Variants in LUZP1 observed in about 807,000 individuals in gnomAD.
LUZP1 encodes the protein filamin mechanobinding actin cross-linking protein.
LUZP1 carries 25 observed loss-of-function variants against 71.3 expected under a neutral mutation model. The ratio of observed to expected loss-of-function variants is 0.35; its 90% CI spans 0.26 to 0.49. LUZP1 has a LOEUF of 0.49. Ranked by LOEUF, LUZP1 falls within the 20% of genes least tolerant of loss-of-function variation. The probability of loss-of-function intolerance (pLI) is 0.99; values close to 1 mark genes in which losing one functional copy is unlikely to be tolerated. For synonymous variants in LUZP1, 481 were observed against 506.4 expected, an observed-to-expected ratio of 0.95 and a Z score of 0.67; for missense variants, 1,142 against 1,300.8, an observed-to-expected ratio of 0.88 and a Z score of 1.88.
rs527682120 is a variant in LUZP1, at chr1:23,123,754, T to G, written c.-225-14627A>C. On this transcript the variant is annotated intron_variant, in intron 2 of 4. Coordinates refer to ENST00000302291, the Ensembl canonical transcript of LUZP1. ...GCATTTCCTTTCCAAGGTCAAAAAT[T>G]AACCATAGACTTTGAACATCTCTGT... 1.5e-4 allele frequency among the ~76,000 whole-genome samples: 23 copies of G among 152,216 alleles called. No individual in the cohort carries two copies. In the East Asian group the frequency reaches 4.3e-3, roughly 28 times the overall value.
chr1:23,123,105 T>C (rs1399107103), intron 2 of LUZP1, among the ~76,000 whole-genome samples: 3 of 152,194 alleles, frequency 2.0e-5, no homozygotes, highest in Non-Finnish European at 1.5e-5. Flanking sequence ...TGGTGTCTAG[T>C]ATAGAGCTAG....
At position 23,162,262 on chromosome 1, in the gene LUZP1, G is replaced by C. The variant is rs191443989; in HGVS notation, c.-226+6504C>G. On this transcript the variant is annotated intron_variant, in intron 2 of 4. Coordinates refer to ENST00000302291, the Ensembl canonical transcript of LUZP1. ...TAGAGGGGAGACAGGAACTGAAAGG[G>C]AACTGGATAGGGGCTTCTAGGTACT... 2.5e-3 allele frequency among the ~76,000 whole-genome samples: 383 copies of C among 152,070 alleles called. 4 individuals are homozygous for C. The highest frequency in any genetic ancestry group is 8.5e-3 in the African/African-American group (354 of 41,486).
At chr1:23,154,174 TG>T (rs1417170617) in intron 2 of LUZP1, among the ~76,000 whole-genome samples, 1 of 152,056 alleles carries the variant, frequency 6.6e-6, no homozygotes, top group Non-Finnish European at 1.5e-5. Flanking sequence ...GGGTAAGAAT[TG>T]GGGTAGACTA....
At chr1:23,111,383 C>A (rs1644031173) in intron 2 of LUZP1, among the ~76,000 whole-genome samples, 1 of 147,292 alleles carries the variant, frequency 6.8e-6, no homozygotes, top group Admixed American at 6.7e-5. Context: ...GCAAGGCCCC[C>A]ATCTCTACAA....
intron 4 of LUZP1, among the ~76,000 whole-genome samples, chr1:23,089,932 G>C (rs1289281449): frequency 6.6e-6 from 1 of 152,108 alleles, no homozygotes; most frequent in Non-Finnish European, 1.5e-5. Context: ...AGCTAATTTT[G>C]TATTTTTAGT....
intron 2 of LUZP1, among the ~76,000 whole-genome samples, chr1:23,153,915 C>T (rs1240462999): frequency 6.6e-6 from 1 of 151,968 alleles, no homozygotes; most frequent in Non-Finnish European, 1.5e-5. Flanking sequence ...CTCTATCACA[C>T]ACACACACAA....
intron 2 of LUZP1, among the ~76,000 whole-genome samples, chr1:23,165,910 A>G (rs1644506035): frequency 6.6e-6 from 1 of 152,124 alleles, no homozygotes; most frequent in African/African-American, 2.4e-5. Context: ...CTTCCATTAC[A>G]TAAATGAAAT....
chr1:23,139,045 T>TATATATATATATATAC (rs1389415209), intron 2 of LUZP1, among the ~76,000 whole-genome samples: 5 of 119,740 alleles, frequency 4.2e-5, no homozygotes, highest in South Asian at 2.8e-4. Context: ...TATATATATA[T>TATATATATATATATAC]ACACACATCA....
intron 2 of LUZP1, among the ~76,000 whole-genome samples, chr1:23,151,772 G>C (rs753642190): frequency 3.5e-4 from 53 of 152,250 alleles, no homozygotes; most frequent in Non-Finnish European, 6.6e-4. Flanking sequence ...GGGAGGCCAG[G>C]GCGGGTGGAT....
intron 2 of LUZP1, among the ~76,000 whole-genome samples, chr1:23,115,229 C>T (rs1369489756): frequency 1.3e-5 from 2 of 152,124 alleles, no homozygotes; most frequent in Admixed American, 1.3e-4. Flanking sequence ...ATCTACGTAA[C>T]CTTTAGGATG....
intron 2 of LUZP1, chr1:23,109,709 C>T (rs1356759786): frequency 1.3e-5 from 2 of 152,112 alleles, no homozygotes; most frequent in African/African-American, 2.4e-5. Context: ...GAAACATAAA[C>T]GAATTTCATG....
intron 3 of LUZP1, among the ~76,000 whole-genome samples, chr1:23,100,789 A>G (rs763254664): frequency 6.6e-6 from 1 of 152,206 alleles, no homozygotes; most frequent in Non-Finnish European, 1.5e-5. Flanking sequence ...GCTTCTTACA[A>G]TATTGGGCTT....
intron 2 of LUZP1, among the ~76,000 whole-genome samples, chr1:23,118,557 A>G (rs538521723): frequency 2.6e-5 from 4 of 152,352 alleles, no homozygotes; most frequent in African/African-American, 9.6e-5. Context: ...CTACAAGATT[A>G]TAAGGACCAA....
At chr1:23,165,711 T>C (rs1473162678) in intron 2 of LUZP1, among the ~76,000 whole-genome samples, 2 of 152,226 alleles carry the variant, frequency 1.3e-5, no homozygotes, top group African/African-American at 4.8e-5. Flanking sequence ...TATGCATCTA[T>C]TATATGCATC....
chr1:23,156,742 A>G (rs757282286), intron 2 of LUZP1, among the ~76,000 whole-genome samples: 2 of 152,284 alleles, frequency 1.3e-5, no homozygotes, highest in Middle Eastern at 3.4e-3. Context: ...GCATCTTCCA[A>G]TCATGTGGCC....
chr1:23,149,743 C>T (rs1644368834), intron 2 of LUZP1, among the ~76,000 whole-genome samples: 1 of 151,966 alleles, frequency 6.6e-6, no homozygotes, highest in Non-Finnish European at 1.5e-5. Flanking sequence ...GGGAGCGGAT[C>T]ACGAGGTCAC....
intron 3 of LUZP1, among the ~76,000 whole-genome samples, chr1:23,096,622 C>T (rs370169506): frequency 1.2e-4 from 18 of 152,222 alleles, no homozygotes; most frequent in African/African-American, 4.3e-4. Context: ...GAAAAAAAGA[C>T]CATTGTCTCA....
intron 3 of LUZP1, among the ~76,000 whole-genome samples, chr1:23,105,227 G>A (rs1643971107): frequency 6.6e-6 from 1 of 152,204 alleles, no homozygotes; most frequent in African/African-American, 2.4e-5. Context: ...GGGTGGGATG[G>A]ATGAAAGATG....
chr1:23,143,329 C>G (rs1644319768), intron 2 of LUZP1, among the ~76,000 whole-genome samples: 1 of 152,116 alleles, frequency 6.6e-6, no homozygotes, highest in South Asian at 2.1e-4. Context: ...TAAGCTGACT[C>G]TTTTAAAATG....
Sources: allele counts gnomAD v4.1 joint callset (sites outside exome capture counted in the v4.1 genomes callset), GRCh38; gene constraint gnomAD v4.1.1; transcripts MANE v1.5; gene names NCBI Gene and HGNC (gene_info 2026-07-23, HGNC 2026-07-21).